CADPS2: variants seen among roughly 807,000 people sequenced by gnomAD.
The protein encoded by CADPS2 is calcium-dependent secretion activator 2.
A neutral mutation model predicts 172.5 loss-of-function variants in CADPS2; 93 were observed. That is an observed-to-expected ratio of 0.54 (90% CI 0.46 to 0.64). The LOEUF is 0.64. Ranked by LOEUF, CADPS2 falls within the 30% of genes least tolerant of loss-of-function variation. The pLI, the probability that CADPS2 is intolerant of heterozygous loss-of-function variation, is 0.00. For synonymous variants in CADPS2, 546 were observed against 555.2 expected (o/e 0.98, Z 0.23); for missense variants, 1,420 against 1,565.9 (o/e 0.91, Z 1.57).
chr7:122,472,978 C>A (rs191839404), intron 13 of CADPS2, among the ~76,000 whole-genome samples: 1 of 152,174 alleles, frequency 6.6e-6, no homozygotes, highest in East Asian at 1.9e-4. Flanking sequence ...TCAGGTTGAG[C>A]ATCCCAAATC....
chr7:122,700,305 A>G (rs1389822351), intron 2 of CADPS2, among the ~76,000 whole-genome samples: 1 of 152,216 alleles, frequency 6.6e-6, no homozygotes, highest in African/African-American at 2.4e-5. Flanking sequence ...ATGTAAATCT[A>G]CAACATGGTA....
intron 1 of CADPS2, among the ~76,000 whole-genome samples, chr7:122,813,115 T>C (rs1398432110): frequency 6.6e-6 from 1 of 151,860 alleles, no homozygotes; most frequent in Non-Finnish European, 1.5e-5. Flanking sequence ...GCAGCACAGG[T>C]ACGGAAAAAA....
intron 1 of CADPS2, among the ~76,000 whole-genome samples, chr7:122,865,544 G>C (rs984198418): frequency 2.6e-5 from 4 of 152,188 alleles, no homozygotes; most frequent in African/African-American, 4.8e-5. Flanking sequence ...AGTATCAGCA[G>C]TCTCTGGCTT....
intron 3 of CADPS2, among the ~76,000 whole-genome samples, chr7:122,642,400 C>T (rs2077759845): frequency 6.6e-6 from 1 of 152,064 alleles, no homozygotes; most frequent in Non-Finnish European, 1.5e-5. Flanking sequence ...GGGAGCAGCT[C>T]TGGGAAATAG....
intron 2 of CADPS2, among the ~76,000 whole-genome samples, chr7:122,716,405 T>A (rs2089604744): frequency 6.6e-6 from 1 of 152,078 alleles, no homozygotes; most frequent in African/African-American, 2.4e-5. Context: ...AAATACAACC[T>A]ACGTCTCTAC....
At position 122,848,233 on chromosome 7, in the gene CADPS2, T is replaced by C. The variant is rs1812562066; in HGVS notation, c.339+37766A>G. 2.0e-5 allele frequency among the ~76,000 whole-genome samples: 3 copies of C among 151,986 alleles called. 1 individual carries two copies. Among genetic ancestry groups the C allele is most frequent in the Non-Finnish European group, 4.4e-5 (3 of 68,026 alleles). The stretch of plus-strand genomic sequence containing the variant: ...GCAACCAGCATAACTAAGAGAGGAG[T>C]ACCCAGTAAGGCAGTGTTGCAGGAA... On this transcript the variant is annotated intron_variant, in intron 1 of 29. Transcript: ENST00000449022.
chr7:122,470,084 C>T (rs2055716581), intron 14 of CADPS2, among the ~76,000 whole-genome samples: 1 of 152,122 alleles, frequency 6.6e-6, no homozygotes, highest in Non-Finnish European at 1.5e-5. Flanking sequence ...TTGATGCTAT[C>T]ACTTGGAACC....
chr7:122,323,405 T>C (rs2033019349), intron 29 of CADPS2, among the ~76,000 whole-genome samples: 1 of 152,150 alleles, frequency 6.6e-6, no homozygotes, highest in South Asian at 2.1e-4. Context: ...AATGGAAATG[T>C]CACTATATAA....
intron 14 of CADPS2, among the ~76,000 whole-genome samples, chr7:122,454,544 A>G (rs759905315): frequency 3.3e-5 from 5 of 152,210 alleles, no homozygotes; most frequent in Non-Finnish European, 7.4e-5. Context: ...GACATTTTCT[A>G]TCTGACTTGT....
intron 8 of CADPS2, among the ~76,000 whole-genome samples, chr7:122,551,472 A>G (rs939051662): frequency 1.3e-5 from 2 of 152,046 alleles, no homozygotes; most frequent in African/African-American, 4.8e-5. Flanking sequence ...AATATTTTTT[A>G]GGGGCCATAG....
At chr7:122,837,019 C>T (rs889561508) in intron 1 of CADPS2, among the ~76,000 whole-genome samples, 1 of 152,126 alleles carries the variant, frequency 6.6e-6, no homozygotes, top group African/African-American at 2.4e-5. Context: ...ATTGACCACA[C>T]AGTTGGAAGT....
At chr7:122,565,630 C>A (rs777894394) in intron 7 of CADPS2, among the ~76,000 whole-genome samples, 1 of 152,138 alleles carries the variant, frequency 6.6e-6, no homozygotes, top group African/African-American at 2.4e-5. Flanking sequence ...ATAATACAAA[C>A]CATCAGGGAA....
chr7:122,525,345 G>A (rs887098486), intron 8 of CADPS2, among the ~76,000 whole-genome samples: 1 of 151,984 alleles, frequency 6.6e-6, no homozygotes, highest in Non-Finnish European at 1.5e-5. Context: ...ATTTACAAAG[G>A]TACCTAAATT....
chr7:122,587,178 C>T (rs1369713810), intron 6 of CADPS2, among the ~76,000 whole-genome samples: 1 of 151,562 alleles, frequency 6.6e-6, no homozygotes, highest in Non-Finnish European at 1.5e-5. Flanking sequence ...GTAATGTATG[C>T]CACAGTGGTT....
chr7:122,515,158 T>G (rs944129930), intron 8 of CADPS2, among the ~76,000 whole-genome samples: 3 of 152,114 alleles, frequency 2.0e-5, no homozygotes, highest in African/African-American at 7.2e-5. Flanking sequence ...CTAACTGAAG[T>G]TTTTGGTGAA....
intron 1 of CADPS2, among the ~76,000 whole-genome samples, chr7:122,824,978 T>G (rs1197163468): frequency 6.6e-6 from 1 of 152,164 alleles, no homozygotes; most frequent in East Asian, 1.9e-4. Context: ...ATACTAAATT[T>G]TTGGCCAAGG....
chr7:122,716,615 A>G (rs2089644013), intron 2 of CADPS2, among the ~76,000 whole-genome samples: 1 of 152,180 alleles, frequency 6.6e-6, no homozygotes, highest in Admixed American at 6.5e-5. Flanking sequence ...CCAACATGGC[A>G]CATGTATACA....
chr7:122,361,612 A>C (rs1253016640), intron 25 of CADPS2, among the ~76,000 whole-genome samples: 1 of 152,214 alleles, frequency 6.6e-6, no homozygotes, highest in Non-Finnish European at 1.5e-5. Context: ...CACTGAAGCC[A>C]TTCATAAACA....
At chr7:122,484,602 A>C (rs745837622) in intron 11 of CADPS2, among the ~76,000 whole-genome samples, 1 of 152,104 alleles carries the variant, frequency 6.6e-6, no homozygotes, top group African/African-American at 2.4e-5. Flanking sequence ...TCCTTTAGTT[A>C]TAACATCAAA....
Sources: gnomAD v4.1 joint callset for allele counts (sites outside exome capture counted in the v4.1 genomes callset) on GRCh38, gnomAD v4.1.1 for gene constraint, MANE v1.5 for transcripts, NCBI Gene and HGNC (gene_info 2026-07-23, HGNC 2026-07-21) for gene names.